BCL7A: variants seen among roughly 807,000 people sequenced by gnomAD.
BCL7A encodes the protein B-cell CLL/lymphoma 7 protein family member A.
In BCL7A, 11 loss-of-function variants were observed where a neutral mutation model predicts 28.4. The observed-to-expected ratio is 0.39, with a 90% CI of 0.24 to 0.64. The LOEUF (loss-of-function observed/expected upper bound fraction) is 0.64. BCL7A is among the 30% of genes least tolerant of loss of function. BCL7A has a pLI of 0.50. For synonymous variants in BCL7A, 123 were observed against 103.3 expected, an observed-to-expected ratio of 1.19 and a Z score of -1.15; for missense variants, 222 against 274.8, an observed-to-expected ratio of 0.81 and a Z score of 1.36.
At chr12:122,039,757 G>A (rs1478258129) in intron 3 of BCL7A, among the ~76,000 whole-genome samples, 2 of 151,358 alleles carry the variant, frequency 1.3e-5, no homozygotes, top group East Asian at 3.9e-4. Flanking sequence ...GGAGGCTGAG[G>A]CAGGAGAATC....
chr12:122,024,291 A>G (rs775106047), intron 1 of BCL7A, among the ~76,000 whole-genome samples: 3 of 152,132 alleles, frequency 2.0e-5, no homozygotes, highest in South Asian at 2.1e-4. Flanking sequence ...TCACTTCTCT[A>G]ACCATGGTGA....
In BCL7A at chr12:122,060,944, C is replaced by T; in HGVS notation, c.*1781C>T. On this transcript the variant is annotated 3_prime_UTR_variant, in exon 6 of 6. Transcript: ENST00000261822. The stretch of plus-strand genomic sequence containing the variant: ...AATCTTAATGTTGAAGTTAGCAATG[C>T]CGAAAGGTTTCTGTCTTAAAAAAAA... The T allele has an allele frequency of 4.4e-6, 1 of 226,178 alleles. No individual in the cohort carries two copies. Among genetic ancestry groups the T allele is most frequent in the East Asian group, 6.4e-5 (1 of 15,666 alleles). The allele number at this position is 226,178 out of a possible 1,614,324, so 14.0% of individuals were successfully genotyped here. A position where few individuals can be genotyped will look rare whatever the true frequency, so the allele number is the denominator to read the frequency against.
intron 5 of BCL7A, among the ~76,000 whole-genome samples, chr12:122,057,777 CAT>C (rs1565943903): frequency 6.6e-6 from 1 of 152,194 alleles, no homozygotes; most frequent in Non-Finnish European, 1.5e-5. Context: ...AACACACACA[CAT>C]ATGTGTATAC....
At chr12:122,036,640 TC>T (rs113865817) in intron 3 of BCL7A, among the ~76,000 whole-genome samples, 16,802 of 151,292 alleles carry the variant, frequency 0.11, 1,997 homozygotes, top group African/African-American at 0.31. Context: ...GTCCCCAGTG[TC>T]CCCCGCAGGT....
intron 3 of BCL7A, among the ~76,000 whole-genome samples, chr12:122,039,213 C>T (rs1480316693): frequency 3.3e-5 from 5 of 150,998 alleles, no homozygotes; most frequent in East Asian, 3.9e-4. Context: ...AAGAGAATGG[C>T]GTGAACCTGG....
At chr12:122,033,644 A>T (rs1565936526) in intron 2 of BCL7A, among the ~76,000 whole-genome samples, 1 of 151,774 alleles carries the variant, frequency 6.6e-6, no homozygotes, top group African/African-American at 2.4e-5. Context: ...TTTAATAGAG[A>T]CAGGGTCTGG....
chr12:122,046,501 A>G, intron 4 of BCL7A, among the ~76,000 whole-genome samples: 1 of 152,190 alleles, frequency 6.6e-6, no homozygotes, highest in Non-Finnish European at 1.5e-5. Flanking sequence ...GGCCCCAGTC[A>G]TAGCTGCACT....
chr12:122,046,671 G>A (rs567465307), intron 4 of BCL7A, among the ~76,000 whole-genome samples: 1 of 152,252 alleles, frequency 6.6e-6, no homozygotes, highest in South Asian at 2.1e-4. Context: ...TGAATGTGAT[G>A]TCAAAATTTA....
rs916521668 is a variant in BCL7A at position 122,029,765 on chromosome 12, G to A, written c.93-935G>A. 3.3e-5 allele frequency among the ~76,000 whole-genome samples: 5 copies of A among 152,176 alleles called. No individual in the cohort carries two copies. Among genetic ancestry groups the A allele is most frequent in the African/African-American group, 1.2e-4 (5 of 41,430 alleles). On this transcript the variant is annotated intron_variant, in intron 1 of 5. Coordinates refer to ENST00000261822, the MANE Select transcript of BCL7A (RefSeq NM_001024808.3). The surrounding 1 kb of genome is among the most constrained non-coding windows in gnomAD (Gnocchi z 4.3). ...GCTCTCCTGAGCCTCAGTCCCCTCA[G>A]GGGTGTGGCTGCTGGGTCTTCGTGG...
intron 1 of BCL7A, among the ~76,000 whole-genome samples, chr12:122,024,393 A>G (rs2135836155): frequency 6.8e-6 from 1 of 148,082 alleles, no homozygotes; most frequent in South Asian, 2.1e-4. Flanking sequence ...TGGGCGCAGG[A>G]GGAGCTGTTG....
intron 3 of BCL7A, among the ~76,000 whole-genome samples, chr12:122,043,281 A>C (rs1206855746): frequency 1.3e-5 from 2 of 152,008 alleles, no homozygotes; most frequent in Non-Finnish European, 2.9e-5. Flanking sequence ...TAAATATGTT[A>C]GGCCACCATC....
chr12:122,047,246 G>A (rs1193570857), intron 4 of BCL7A, among the ~76,000 whole-genome samples: 11 of 151,370 alleles, frequency 7.3e-5, no homozygotes, highest in African/African-American at 2.7e-4. Flanking sequence ...GGTCTTGGCC[G>A]GGCGCAGTGG....
intron 2 of BCL7A, 98 bp downstream of exon 2, chr12:122,030,879 C>T: frequency 7.8e-7 from 1 of 1,288,688 alleles, no homozygotes. Flanking sequence ...CGTGCTGGGG[C>T]TCTGGGACCA....
intron 3 of BCL7A, among the ~76,000 whole-genome samples, chr12:122,036,741 C>T (rs371319839): frequency 1.5e-4 from 22 of 151,710 alleles, no homozygotes; most frequent in African/African-American, 5.3e-4. Flanking sequence ...GAGTCTCGCT[C>T]CTGTCACCCA....
At chr12:122,050,298 T>TG (rs58969734) in intron 4 of BCL7A, among the ~76,000 whole-genome samples, 14,403 of 118,408 alleles carry the variant, frequency 0.12, 1,963 homozygotes, top group African/African-American at 0.34. Context: ...TTCTTTATTG[T>TG]GGGGGGGGGG....
intron 3 of BCL7A, among the ~76,000 whole-genome samples, chr12:122,038,982 C>T (rs543838164): frequency 1.3e-5 from 2 of 152,074 alleles, no homozygotes; most frequent in South Asian, 4.2e-4. Flanking sequence ...TGAGACCAGC[C>T]TGGGCAACAC....
At chr12:122,049,033 A>AT (rs1410918154) in intron 4 of BCL7A, among the ~76,000 whole-genome samples, 6,538 of 57,430 alleles carry the variant, frequency 0.11, 126 homozygotes, top group South Asian at 0.16. Context: ...AAAAAAAAAA[A>AT]AAATATATAT....
In BCL7A at chr12:122,054,933, C is replaced by G. The variant is rs556323322; in HGVS notation, c.561+7C>G. ...GACGTCTGCAATCTCTCAGGTACCT[C>G]GCTCGAGGTCTCAGAGGGGCAGCCA... is the stretch of plus-strand genomic sequence containing the variant. On this transcript the variant is annotated splice_region_variant and intron_variant, in intron 5 of 5. Coordinates refer to ENST00000261822, the MANE Select transcript of BCL7A (RefSeq NM_001024808.3). 1.2e-6 allele frequency: 2 copies of G among 1,614,156 alleles called. No individual in the cohort carries two copies. The highest frequency in any genetic ancestry group is 1.7e-6 in the Non-Finnish European group (2 of 1,180,024).
chr12:122,024,992 T>G (rs1883584251), intron 1 of BCL7A, among the ~76,000 whole-genome samples: 1 of 127,196 alleles, frequency 7.9e-6, no homozygotes, highest in African/African-American at 3.0e-5. Context: ...AGCTGTGGCC[T>G]CCCTCTCATT....
Sources: allele counts gnomAD v4.1 joint callset (sites outside exome capture counted in the v4.1 genomes callset), GRCh38; gene constraint gnomAD v4.1.1; non-coding constraint Gnocchi (gnomAD v3.1); transcripts MANE v1.5; gene names NCBI Gene and HGNC (gene_info 2026-07-23, HGNC 2026-07-21).